TRHDE: variants seen among roughly 807,000 people sequenced by gnomAD.
TRHDE encodes the protein thyrotropin releasing hormone degrading enzyme, also known as thyrotropin-releasing hormone-degrading ectoenzyme.
Under a neutral mutation model 125.7 loss-of-function variants are expected in TRHDE, and 72 were observed. The ratio of observed to expected loss-of-function variants is 0.57; its 90% CI spans 0.47 to 0.70. The LOEUF (loss-of-function observed/expected upper bound fraction) is 0.70, where lower values mean the gene tolerates loss of function less well. Ranked by LOEUF, TRHDE falls within the 30% of genes least tolerant of loss-of-function variation. The probability of loss-of-function intolerance (pLI) is 0.00; values close to 1 mark genes in which losing one functional copy is unlikely to be tolerated. For missense variants in TRHDE, 1,110 were observed against 1,327.1 expected, an observed-to-expected ratio of 0.84 and a Z score of 2.54; for synonymous variants, 509 against 509.1, an observed-to-expected ratio of 1.00 and a Z score of 0.00.
intron 3 of TRHDE, among the ~76,000 whole-genome samples, chr12:72,413,881 T>TAAGG (rs1469806143): frequency 6.6e-6 from 1 of 152,082 alleles, no homozygotes; most frequent in African/African-American, 2.4e-5. Flanking sequence ...CTTAATTTAA[T>TAAGG]AAGGTTTTCA....
intron 3 of TRHDE, among the ~76,000 whole-genome samples, chr12:72,467,452 C>T (rs1876436538): frequency 1.3e-5 from 2 of 152,080 alleles, no homozygotes; most frequent in Non-Finnish European, 1.5e-5. Flanking sequence ...CTGTTATGCA[C>T]TTATGCTGAG....
intron 3 of TRHDE, among the ~76,000 whole-genome samples, chr12:72,437,545 C>T (rs1874800919): frequency 6.6e-6 from 1 of 151,752 alleles, no homozygotes. Flanking sequence ...TCATTTTCAG[C>T]TTATTATGTG....
chr12:72,638,540 T>C (rs1289385519), intron 15 of TRHDE, among the ~76,000 whole-genome samples: 1 of 151,910 alleles, frequency 6.6e-6, no homozygotes, highest in Non-Finnish European at 1.5e-5. Flanking sequence ...AATTTGATCC[T>C]GTCATTATGA....
At chr12:72,296,789 A>G (rs576617298) in intron 2 of TRHDE, among the ~76,000 whole-genome samples, 7 of 152,340 alleles carry the variant, frequency 4.6e-5, no homozygotes, top group African/African-American at 1.4e-4. Context: ...CAGAAATTTC[A>G]TTAGTGTGGT....
At chr12:72,265,565 C>G (rs1879048001) in intron 2 of TRHDE, among the ~76,000 whole-genome samples, 1 of 150,990 alleles carries the variant, frequency 6.6e-6, no homozygotes, top group Non-Finnish European at 1.5e-5. Flanking sequence ...AAAAAAAGAG[C>G]TATTTTTCAG....
chr12:72,482,211 TG>T (rs1258332481), intron 5 of TRHDE, among the ~76,000 whole-genome samples: 1 of 151,480 alleles, frequency 6.6e-6, no homozygotes, highest in Non-Finnish European at 1.5e-5. Context: ...ATTTATCTTT[TG>T]CTTGGTGGCT....
At chr12:72,162,703 C>G (rs939613166) in intron 2 of TRHDE, among the ~76,000 whole-genome samples, 2 of 152,140 alleles carry the variant, frequency 1.3e-5, no homozygotes, top group Admixed American at 1.3e-4. Flanking sequence ...AAGTAATTAG[C>G]AGAAGTGGTT....
intron 2 of TRHDE, among the ~76,000 whole-genome samples, chr12:72,339,707 A>C (rs771707830): frequency 3.3e-5 from 5 of 152,146 alleles, no homozygotes; most frequent in Non-Finnish European, 7.4e-5. Flanking sequence ...TCATGGTTTT[A>C]TTATGTTAGG....
chr12:72,501,358 G>A (rs970253541), intron 6 of TRHDE, among the ~76,000 whole-genome samples: 21 of 152,062 alleles, frequency 1.4e-4, no homozygotes, highest in African/African-American at 4.6e-4. Flanking sequence ...GGTTGAAGAT[G>A]TTGCATGCTA....
intron 2 of TRHDE, among the ~76,000 whole-genome samples, chr12:72,149,529 T>C (rs1876308093): frequency 6.6e-6 from 1 of 152,172 alleles, no homozygotes; most frequent in African/African-American, 2.4e-5. Flanking sequence ...GGCATTTGCA[T>C]GTTGTTTCAA....
At chr12:72,429,397 A>T (rs1032627158) in intron 3 of TRHDE, among the ~76,000 whole-genome samples, 1 of 151,134 alleles carries the variant, frequency 6.6e-6, no homozygotes, top group African/African-American at 2.4e-5. Context: ...AATTAAAAAA[A>T]GATATACCAC....
intron 3 of TRHDE, among the ~76,000 whole-genome samples, chr12:72,395,484 T>C (rs550657256): frequency 3.6e-4 from 55 of 152,216 alleles, no homozygotes; most frequent in African/African-American, 1.3e-3. Context: ...TTCCAGTTTT[T>C]CTGCTCCAAC....
At chr12:72,403,766 T>A (rs1311088270) in intron 3 of TRHDE, among the ~76,000 whole-genome samples, 1 of 152,008 alleles carries the variant, frequency 6.6e-6, no homozygotes, top group African/African-American at 2.4e-5. Flanking sequence ...AGCTAGGAAG[T>A]CCAAGCCTGA....
chr12:72,216,751 T>G (rs1877900705), intron 2 of TRHDE, among the ~76,000 whole-genome samples: 1 of 152,182 alleles, frequency 6.6e-6, no homozygotes, highest in Non-Finnish European at 1.5e-5. Flanking sequence ...TCTAAGATTT[T>G]ATACCAGTCT....
intron 1 of TRHDE, among the ~76,000 whole-genome samples, chr12:72,285,590 G>A (rs1389732452): frequency 7.0e-6 from 1 of 141,872 alleles, no homozygotes; most frequent in African/African-American, 2.6e-5. Flanking sequence ...GCGCGATCTT[G>A]GTTCACTGCA....
At chr12:72,580,669 G>A (rs528054955) in intron 12 of TRHDE, among the ~76,000 whole-genome samples, 1 of 152,316 alleles carries the variant, frequency 6.6e-6, no homozygotes, top group South Asian at 2.1e-4. Context: ...TTGAACTGCT[G>A]ACCTCAGGTG....
chr12:72,601,819 G>A (rs1027816029), intron 12 of TRHDE, among the ~76,000 whole-genome samples: 6 of 152,036 alleles, frequency 3.9e-5, no homozygotes, highest in Admixed American at 3.9e-4. Context: ...ATGGTACAAC[G>A]TAAATGTAAT....
chr12:72,418,601 T>C (rs529737025), intron 3 of TRHDE, among the ~76,000 whole-genome samples: 16 of 151,944 alleles, frequency 1.1e-4, no homozygotes, highest in African/African-American at 2.6e-4. Flanking sequence ...AAACTTTCCA[T>C]AGAGACTGGT....
At chr12:72,139,640 T>A (rs1204098819) in intron 2 of TRHDE, among the ~76,000 whole-genome samples, 1 of 152,216 alleles carries the variant, frequency 6.6e-6, no homozygotes, top group Non-Finnish European at 1.5e-5. Flanking sequence ...AATAGAATTC[T>A]CTGTACTTTG....
Sources: gnomAD v4.1 joint callset for allele counts (sites outside exome capture counted in the v4.1 genomes callset) on GRCh38, gnomAD v4.1.1 for gene constraint, MANE v1.5 for transcripts, NCBI Gene and HGNC (gene_info 2026-07-23, HGNC 2026-07-21) for gene names.